The following LHX1 variants were observed in gnomAD, a reference collection of about 807,000 sequenced individuals.
The protein encoded by LHX1 is LIM homeobox 1.
Under a neutral mutation model 34.1 loss-of-function variants are expected in LHX1, and 9 were observed. That is an observed-to-expected ratio of 0.26 (90% CI 0.16 to 0.46). LHX1 has a LOEUF of 0.46. Ranked by LOEUF, LHX1 falls within the 20% of genes least tolerant of loss-of-function variation. The pLI is 1.00. For missense variants in LHX1, 446 were observed against 559.1 expected (o/e 0.80, Z 2.04); for synonymous variants, 254 against 241.5 (o/e 1.05, Z -0.48).
chr17:36,943,524 G>C lies in LHX1; in HGVS notation c.*393G>C, dbSNP rs969832251. ...GGCGATGCCAGGAGCCGTGGGGAGG[G>C]AGGCCGTGAGCACAGCCGGGTGAAG... On this transcript the variant is annotated 3_prime_UTR_variant, in exon 5 of 5. Transcript: ENST00000614239. The C allele has an allele frequency of 1.0e-5, 2 of 191,020 alleles. No homozygotes were observed. Among genetic ancestry groups the C allele is most frequent in the African/African-American group, 4.7e-5 (2 of 42,824 alleles). The allele number at this position is 191,020 out of a possible 1,614,324, so 11.8% of individuals were successfully genotyped here.
Position 36,937,879 on chromosome 17 carries a change from C to A in LHX1, c.-319C>A. On this transcript the variant is annotated 5_prime_UTR_variant, in exon 1 of 5. Transcript: ENST00000614239. Reference sequence around the variant, plus strand: ...TCGCTGACCTTCACTCCTCCGCGGGCTCTGAGCAGAAGGGTCGCATTCTCT... The same window carrying A: ...TCGCTGACCTTCACTCCTCCGCGGGATCTGAGCAGAAGGGTCGCATTCTCT... 1.6e-6 allele frequency: 1 copy of A among 609,222 alleles called. No individual in the cohort carries two copies. The highest frequency in any genetic ancestry group is 3.1e-6 in the Non-Finnish European group (1 of 326,166). The allele number at this position is 609,222 out of a possible 1,614,324, so 37.7% of individuals were successfully genotyped here.
At position 36,943,354 on chromosome 17, in the gene LHX1, A is replaced by G. The variant is rs969259863; in HGVS notation, c.*223A>G. ...ATCCGCGCACTGGCTGTCGACGTGC[A>G]GAACTGGGGCTCCCCAAAGGAAACG... On this transcript the variant is annotated 3_prime_UTR_variant, in exon 5 of 5. Transcript: ENST00000614239. 1.8e-5 allele frequency: 10 copies of G among 550,110 alleles called. No homozygotes were observed. The highest frequency in any genetic ancestry group is 3.1e-5 in the Non-Finnish European group (10 of 319,226). 34.1% of individuals were successfully genotyped at this position (550,110 alleles called of 1,614,324 possible). A position where few individuals can be genotyped will look rare whatever the true frequency, so the allele number is the denominator to read the frequency against.
chr17:36,940,228 G>T, intron 1 of LHX1, 62 bp from the exon 2 acceptor site: 1 of 959,592 alleles, frequency 1.0e-6, no homozygotes, highest in South Asian at 1.4e-5. Flanking sequence ...CTCTCCGCCT[G>T]TCTCCCCTTG....
intron 3 of LHX1, chr17:36,941,095 G>A (rs1158254830): frequency 1.2e-6 from 1 of 823,260 alleles, no homozygotes; most frequent in Non-Finnish European, 2.0e-6. Flanking sequence ...CCCAACAGAG[G>A]TGATCGTGGC....
chr17:36,938,562 G>A (rs995481792), intron 1 of LHX1, 195 bp downstream of exon 1: 1 of 674,954 alleles, frequency 1.5e-6, no homozygotes, highest in Non-Finnish European at 2.7e-6. Context: ...CTTGCATCCT[G>A]GAAACTATGG....
chr17:36,940,264 C>CCCCA, intron 1 of LHX1, 26 bp from the exon 2 acceptor site: 2 of 400,208 alleles, frequency 5.0e-6, no homozygotes, highest in Non-Finnish European at 9.2e-6. Flanking sequence ...TCCCCGCCCC[C>CCCCA]GCCCCCCACC....
chr17:36,941,111 A>T (rs894177681), intron 3 of LHX1: 4 of 767,474 alleles, frequency 5.2e-6, no homozygotes, highest in Non-Finnish European at 9.0e-6. Context: ...GTGGCAGTGG[A>T]GGGGGAGGGA....
rs2142181186 is a variant in LHX1 at position 36,940,023 on chromosome 17, G to A, written c.171-267G>A. 4 of 589,126 alleles carry A rather than the reference G, an allele frequency of 6.8e-6. No homozygotes were observed. The East Asian group carries it at 1.1e-4, about 17-fold the overall frequency. The allele number at this position is 589,126 out of a possible 1,614,324, so 36.5% of individuals were successfully genotyped here. A position where few individuals can be genotyped will look rare whatever the true frequency, so the allele number is the denominator to read the frequency against. ...AGGCTGGGGCTTGGCGGGTAGCTTG[G>A]GCCCCTGGCTCTAACCGCGTGTATC... On this transcript the variant is annotated intron_variant, in intron 1 of 4. Coordinates refer to ENST00000614239, the MANE Select transcript of LHX1 (RefSeq NM_005568.5).
upstream of LHX1, chr17:36,937,122 G>C (rs1182515469): frequency 5.0e-6 from 2 of 401,534 alleles, no homozygotes; most frequent in African/African-American, 4.4e-5. Flanking sequence ...AAAAGGAAAA[G>C]GAGAGAAAGT....
At chr17:36,939,952 C>T (rs77507944) in intron 1 of LHX1, 15,347 of 491,480 alleles carry the variant, frequency 0.031, 355 homozygotes, top group Non-Finnish European at 0.042. Context: ...TGCCTTGCCA[C>T]CTTCTTTAGA....
At chr17:36,939,888 T>C (rs1055839304) in intron 1 of LHX1, among the ~76,000 whole-genome samples, 3 of 152,234 alleles carry the variant, frequency 2.0e-5, no homozygotes, top group East Asian at 3.8e-4. Flanking sequence ...AATTCGACTT[T>C]TCTGAATCTA....
At chr17:36,942,157 G>A (rs377551901) in intron 3 of LHX1, 43 bp from the exon 4 acceptor site, 44 of 1,555,942 alleles carry the variant, frequency 2.8e-5, no homozygotes, top group Non-Finnish European at 3.7e-5. Context: ...CCGGGGTCGG[G>A]GGTGGAGTCT....
rs1227589406 is a variant in LHX1 at position 36,940,597 on chromosome 17, C to G, written c.398-13C>G. 2.5e-6 allele frequency: 4 copies of G among 1,613,674 alleles called. No individual in the cohort carries two copies. Among genetic ancestry groups the G allele is most frequent in the African/African-American group, 1.3e-5 (1 of 74,946 alleles). On this transcript the variant is annotated splice_polypyrimidine_tract_variant and intron_variant, in intron 2 of 4. Transcript: ENST00000614239. ...TCGCCAAGGCCCCGGCTCATCTGTC[C>G]TTTCCCTCTTAGCCACCACGGGCAG...
At position 36,938,354 on chromosome 17, in the gene LHX1, A is replaced by G. The variant is rs747943288; in HGVS notation, c.157A>G (p.Asn53Asp). ...FSREGKLYCK[N>D]DFFRCFGTKC... is the part of the protein sequence containing the mutation. ...CAGGGAAGGCAAACTCTACTGCAAG[A>G]ACGACTTCTTCCGGTGAGTACTTTC... The change falls in exon 1 of 5, where the codon AAC (asparagine) becomes GAC (aspartate). Residue 53 changes from asparagine (N) to aspartate (D), a missense_variant. Physicochemically the swap from Asn to Asp is conservative, Grantham distance 23. Coordinates refer to ENST00000614239, the MANE Select transcript of LHX1 (RefSeq NM_005568.5). 2 of 1,614,112 alleles carry G rather than the reference A, an allele frequency of 1.2e-6. No individual in the cohort carries two copies. Among genetic ancestry groups the G allele is most frequent in the South Asian group, 2.2e-5 (2 of 91,074 alleles).
At position 36,942,899 on chromosome 17, in the gene LHX1, C is replaced by T. The variant is rs996138732; in HGVS notation, c.989C>T (p.Pro330Leu). Reference sequence around the variant, plus strand: ...ACGCCCCTGGGTGGCCTGGAGCACCCGCTGCCGGGCCACCACCCGTCGAGC... The same window carrying T: ...ACGCCCCTGGGTGGCCTGGAGCACCTGCTGCCGGGCCACCACCCGTCGAGC... ...SGTPLGGLEH[P>L]LPGHHPSSEA... The change falls in exon 5 of 5, where the codon CCG becomes CTG. Residue 330 changes from proline (P) to leucine (L), a missense_variant. Pro to Leu is a moderately conservative substitution (Grantham distance 98). Transcript: ENST00000614239. The T allele has an allele frequency of 6.3e-7, 1 of 1,596,268 alleles. No individual in the cohort carries two copies. The highest frequency in any genetic ancestry group is 8.5e-7 in the Non-Finnish European group (1 of 1,171,444).
chr17:36,937,619 T>G lies in LHX1; in HGVS notation c.-579T>G. 3.0e-6 allele frequency: 1 copy of G among 334,434 alleles called. No individual in the cohort carries two copies. The highest frequency in any genetic ancestry group is 5.9e-6 in the Non-Finnish European group (1 of 170,190). The allele number at this position is 334,434 out of a possible 1,614,324, so 20.7% of individuals were successfully genotyped here. On this transcript the variant is annotated 5_prime_UTR_variant, in exon 1 of 5. Transcript: ENST00000614239. ...TAGGATCCAAAGCTTCTCTGCTCCT[T>G]TTGTTCTTTCCTTCCCTTTTTTAAA...
intron 3 of LHX1, chr17:36,941,351 A>G (rs1325192070): frequency 5.7e-6 from 2 of 349,796 alleles, no homozygotes; most frequent in East Asian, 7.7e-5. Flanking sequence ...GCCCCAGATC[A>G]GGGACTTCCC....
At chr17:36,940,258 C>CGGGGGGGGGGGGGGGG in intron 1 of LHX1, 32 bp from the exon 2 acceptor site, 9 of 528,888 alleles carry the variant, frequency 1.7e-5, no homozygotes, top group Non-Finnish European at 1.7e-5. Flanking sequence ...GACCCATCCC[C>CGGGGGGGGGGGGGGGG]GCCCCCGCCC....
chr17:36,942,645 C>A, intron 4 of LHX1, 107 bp from the exon 5 acceptor site: 1 of 1,255,360 alleles, frequency 8.0e-7, no homozygotes, highest in South Asian at 1.6e-5. Context: ...CCGCGAGTTC[C>A]CCGCGCGGCC....
Sources: allele counts gnomAD v4.1 joint callset (sites outside exome capture counted in the v4.1 genomes callset), GRCh38; gene constraint gnomAD v4.1.1; transcripts MANE v1.5; gene names NCBI Gene and HGNC (gene_info 2026-07-23, HGNC 2026-07-21).